The following ATP9B variants were observed in gnomAD, a reference collection of about 807,000 sequenced individuals.
ATP9B encodes ATPase phospholipid transporting 9B.
A neutral mutation model predicts 146.1 loss-of-function variants in ATP9B; 110 were observed. That is an observed-to-expected ratio of 0.75 (90% CI 0.65 to 0.88). The LOEUF (loss-of-function observed/expected upper bound fraction) is 0.88, where lower values mean the gene tolerates loss of function less well. ATP9B is among the 40% of genes least tolerant of loss of function. ATP9B has a pLI of 0.00. For missense variants in ATP9B, 1,499 were observed against 1,496.4 expected (o/e 1.00, Z -0.03); for synonymous variants, 604 against 569.7 (o/e 1.06, Z -0.86).
At chr18:79,149,485 A>T (rs1016007443) in intron 6 of ATP9B, among the ~76,000 whole-genome samples, 2 of 151,814 alleles carry the variant, frequency 1.3e-5, no homozygotes, top group African/African-American at 2.4e-5. Flanking sequence ...AGAAAAAAAA[A>T]ATATTTAGAA....
chr18:79,266,753 G>A (rs1399364562), intron 12 of ATP9B, among the ~76,000 whole-genome samples: 2 of 151,944 alleles, frequency 1.3e-5, no homozygotes, highest in Non-Finnish European at 2.9e-5. Flanking sequence ...GATATTGATT[G>A]ACTTTCTAGT....
At chr18:79,189,380 G>A (rs1190815061) in intron 8 of ATP9B, among the ~76,000 whole-genome samples, 1 of 151,920 alleles carries the variant, frequency 6.6e-6, no homozygotes, top group Non-Finnish European at 1.5e-5. Context: ...GAATAGACCT[G>A]TTTCCCCCAC....
chr18:79,085,062 G>A (rs1300880187), intron 1 of ATP9B: 1 of 152,188 alleles, frequency 6.6e-6, no homozygotes, highest in Non-Finnish European at 1.5e-5. Flanking sequence ...AAGGAAGCAT[G>A]GTGCTGGCAT....
intron 9 of ATP9B, among the ~76,000 whole-genome samples, chr18:79,198,382 A>G (rs146245017): frequency 6.6e-6 from 1 of 152,252 alleles, no homozygotes; most frequent in Non-Finnish European, 1.5e-5. Flanking sequence ...CACAAAGTAC[A>G]TTTCAGAACA....
At chr18:79,071,398 C>CTTTTTTTTT (rs747150962) in intron 1 of ATP9B, among the ~76,000 whole-genome samples, 44 of 22,396 alleles carry the variant, frequency 2.0e-3, no homozygotes, top group African/African-American at 6.0e-3. Flanking sequence ...TATTGTTCTT[C>CTTTTTTTTT]CTTTTTTTTT....
intron 1 of ATP9B, among the ~76,000 whole-genome samples, chr18:79,070,930 CTT>C (rs1407433384): frequency 2.6e-5 from 4 of 151,234 alleles, no homozygotes; most frequent in Admixed American, 2.6e-4. Flanking sequence ...ATGCCATTCT[CTT>C]TTGATTGGCA....
chr18:79,094,791 C>G (rs143310267), intron 1 of ATP9B, among the ~76,000 whole-genome samples: 9 of 152,172 alleles, frequency 5.9e-5, no homozygotes, highest in Admixed American at 2.0e-4. Flanking sequence ...CTGCCCTTGT[C>G]TTGAAACTGT....
chr18:79,361,366 TGG>T (rs2096987366), intron 26 of ATP9B: 1 of 152,238 alleles, frequency 6.6e-6, no homozygotes, highest in Non-Finnish European at 1.5e-5. Flanking sequence ...ACTGTGGCCA[TGG>T]AATCCGTAAG....
chr18:79,312,343 T>C (rs2096657432), intron 15 of ATP9B, among the ~76,000 whole-genome samples: 1 of 152,266 alleles, frequency 6.6e-6, no homozygotes, highest in South Asian at 2.1e-4. Flanking sequence ...CTTTTATAAT[T>C]ATTCAGAGCA....
chr18:79,351,790 A>G (rs1335781828), intron 25 of ATP9B, among the ~76,000 whole-genome samples: 3 of 147,624 alleles, frequency 2.0e-5, no homozygotes, highest in African/African-American at 7.5e-5. Flanking sequence ...ACCAGGGACC[A>G]TGGGGGCCGC....
intron 7 of ATP9B, 27 bp downstream of exon 7, chr18:79,154,582 C>G (rs192666903): frequency 1.4e-6 from 2 of 1,475,642 alleles, no homozygotes; most frequent in African/African-American, 1.4e-5. Context: ...AAAAACTTAC[C>G]TAACTGTATA....
chr18:79,130,958 C>T (rs1196196454), intron 5 of ATP9B, among the ~76,000 whole-genome samples: 3 of 152,166 alleles, frequency 2.0e-5, no homozygotes, highest in Non-Finnish European at 4.4e-5. Context: ...GTTAGGCATT[C>T]AAGATGAGCC....
chr18:79,226,856 C>T (rs535941344), intron 11 of ATP9B, among the ~76,000 whole-genome samples: 1 of 152,270 alleles, frequency 6.6e-6, no homozygotes, highest in Admixed American at 6.5e-5. Flanking sequence ...TGCACATTGA[C>T]TGACACCCGC....
intron 15 of ATP9B, among the ~76,000 whole-genome samples, chr18:79,313,281 T>C (rs1349912545): frequency 1.3e-5 from 2 of 152,222 alleles, no homozygotes; most frequent in Non-Finnish European, 2.9e-5. Context: ...GACAAGACGA[T>C]GAGTTGAGAC....
rs770641096 is a variant in ATP9B at position 79,348,118 on chromosome 18, G to A, written c.2839-14G>A. The A allele has an allele frequency of 3.1e-6, 5 of 1,613,864 alleles. No individual in the cohort carries two copies. In the Admixed American group the frequency reaches 8.3e-5, roughly 27 times the overall value. The stretch of plus-strand genomic sequence containing the variant: ...GAACTGACAGTTGTCTTCGTCTGTG[G>A]GCTCTCTCTCCAGGCTGTGTTTTCC... On this transcript the variant is annotated splice_polypyrimidine_tract_variant and intron_variant, in intron 24 of 29. Coordinates refer to ENST00000426216, the MANE Select transcript of ATP9B (RefSeq NM_198531.5).
At chr18:79,248,643 A>G (rs2095992866) in intron 11 of ATP9B, among the ~76,000 whole-genome samples, 1 of 152,366 alleles carries the variant, frequency 6.6e-6, no homozygotes, top group Non-Finnish European at 1.5e-5. Flanking sequence ...GCAGAGTAGC[A>G]TGAATGAATT....
rs770032905 is a variant in ATP9B at position 79,176,886 on chromosome 18, G to C, written c.852G>C (p.Thr284=). 6 of 1,613,970 alleles carry C rather than the reference G, an allele frequency of 3.7e-6. No homozygotes were observed. The highest frequency in any genetic ancestry group is 5.1e-6 in the Non-Finnish European group (6 of 1,179,888). Residue 284 remains threonine (T), a synonymous_variant, in exon 8 of 30, where the codon ACG becomes ACC. Coordinates refer to ENST00000426216, the MANE Select transcript of ATP9B (RefSeq NM_198531.5). ...AGCTGAAGGTGGCAGTGAGCTGCACGCAACAGCTGCCGGCTCTGGGGGTGA... is the reference window on the plus strand; with the variant it reads ...AGCTGAAGGTGGCAGTGAGCTGCACCCAACAGCTGCCGGCTCTGGGGGTGA... The part of the protein sequence containing the change: ...DWKLKVAVSC[T]QQLPALGDLF...
At chr18:79,226,880 C>T (rs1232480810) in intron 11 of ATP9B, among the ~76,000 whole-genome samples, 3 of 152,118 alleles carry the variant, frequency 2.0e-5, no homozygotes, top group Non-Finnish European at 4.4e-5. Flanking sequence ...GTGTTGGGCC[C>T]TATGTACTAG....
intron 13 of ATP9B, among the ~76,000 whole-genome samples, chr18:79,301,320 T>C (rs756013229): frequency 1.2e-4 from 19 of 152,124 alleles, no homozygotes; most frequent in Non-Finnish European, 2.2e-4. Flanking sequence ...GGTGAAACCC[T>C]GGCTCTACTA....
Sources: allele counts gnomAD v4.1 joint callset (sites outside exome capture counted in the v4.1 genomes callset), GRCh38; gene constraint gnomAD v4.1.1; transcripts MANE v1.5; gene names NCBI Gene and HGNC (gene_info 2026-07-23, HGNC 2026-07-21).